The following ANKRD13C variants were observed in gnomAD, a reference collection of about 807,000 sequenced individuals.
The protein encoded by ANKRD13C is ankyrin repeat domain-containing protein 13C.
Under a neutral mutation model 65.5 loss-of-function variants are expected in ANKRD13C, and 16 were observed. That is an observed-to-expected ratio of 0.24 (90% CI 0.17 to 0.37). ANKRD13C has a LOEUF of 0.37. ANKRD13C is among the 10% of genes least tolerant of loss of function. The pLI is 1.00. For synonymous variants in ANKRD13C, 235 were observed against 238.7 expected, an observed-to-expected ratio of 0.98 and a Z score of 0.14; for missense variants, 503 against 655.9, an observed-to-expected ratio of 0.77 and a Z score of 2.55.
chr1:70,259,639 T>TACAA lies in ANKRD13C; in HGVS notation c.*3074_*3077dup, dbSNP rs928314220. On this transcript the variant is annotated 3_prime_UTR_variant, in exon 13 of 13. Transcript: ENST00000370944. ...GAGTAGTTTTGGCTAATTTATAGTA[T>TACAA]ACAAACAATCATGGGCTTTTACCAA... Among the ~76,000 whole-genome samples, 1 of 152,208 alleles carries TACAA rather than the reference T, an allele frequency of 6.6e-6. No homozygotes were observed. Among genetic ancestry groups the TACAA allele is most frequent in the South Asian group, 2.1e-4 (1 of 4,834 alleles).
In ANKRD13C at chr1:70,353,969, C is replaced by T; in HGVS notation, c.430+10G>A. ...AAGGAGAGAGGTGGAGAGGGGCTAGCACTCCTCACCGTGATTATCTTTCTG... is the reference window on the plus strand; with the variant it reads ...AAGGAGAGAGGTGGAGAGGGGCTAGTACTCCTCACCGTGATTATCTTTCTG... On this transcript the variant is annotated intron_variant, in intron 1 of 12. Coordinates refer to ENST00000370944, the MANE Select transcript of ANKRD13C (RefSeq NM_030816.5). 6.6e-7 allele frequency: 1 copy of T among 1,519,634 alleles called. No homozygotes were observed. Among genetic ancestry groups the T allele is most frequent in the African/African-American group, 1.4e-5 (1 of 72,276 alleles). 94.1% of individuals were successfully genotyped at this position (1,519,634 alleles called of 1,614,324 possible). A position where few individuals can be genotyped will look rare whatever the true frequency, so the allele number is the denominator to read the frequency against.
At chr1:70,309,732 AAAT>A (rs779462109) in intron 5 of ANKRD13C, among the ~76,000 whole-genome samples, 12 of 107,088 alleles carry the variant, frequency 1.1e-4, no homozygotes, top group African/African-American at 3.4e-4. Flanking sequence ...AAAAAAAAAA[AAAT>A]AATAATAATA....
At chr1:70,295,087 C>A (rs2101286767) in intron 8 of ANKRD13C, among the ~76,000 whole-genome samples, 2 of 151,920 alleles carry the variant, frequency 1.3e-5, no homozygotes, top group Admixed American at 1.3e-4. Flanking sequence ...CTTATTTCTC[C>A]ATTGAGAATA....
At chr1:70,287,942 T>C (rs956813538) in intron 9 of ANKRD13C, among the ~76,000 whole-genome samples, 3 of 152,108 alleles carry the variant, frequency 2.0e-5, no homozygotes, top group Non-Finnish European at 4.4e-5. Flanking sequence ...TTATTTGAGT[T>C]GAGGCGGTCA....
At position 70,354,291 on chromosome 1, in the gene ANKRD13C, T is replaced by C. The variant is rs781612046; in HGVS notation, c.118A>G (p.Arg40Gly). Reference sequence around the variant, plus strand: ...TTGCCGCCCTTGCCAATCCTGCTTCTGGTAAAGGTACCGCCGAGGGCAGCC... The same window carrying C: ...TTGCCGCCCTTGCCAATCCTGCTTCCGGTAAAGGTACCGCCGAGGGCAGCC... ...AAAALGGTFTRSRIGKGGKAC... is the reference protein window; with the variant it reads ...AAAALGGTFTGSRIGKGGKAC... Residue 40 changes from arginine to glycine, a missense_variant, in exon 1 of 13, where the codon AGA (arginine) becomes GGA (glycine). This residue lies in a region of ANKRD13C where 203 missense variants were observed against 177.6 expected (regional missense o/e 1.14). Coordinates refer to ENST00000370944, the MANE Select transcript of ANKRD13C (RefSeq NM_030816.5). 13 of 1,613,858 alleles carry C rather than the reference T, an allele frequency of 8.1e-6. No homozygotes were observed. The highest frequency in any genetic ancestry group is 3.3e-5 in the Admixed American group (2 of 60,008).
At chr1:70,283,885 T>C (rs762354193) in intron 9 of ANKRD13C, among the ~76,000 whole-genome samples, 9 of 152,150 alleles carry the variant, frequency 5.9e-5, no homozygotes, top group Non-Finnish European at 1.2e-4. Context: ...GTTGGCACAG[T>C]ATAAGTGCTT....
intron 1 of ANKRD13C, among the ~76,000 whole-genome samples, chr1:70,337,364 G>A (rs1682088538): frequency 6.6e-6 from 1 of 151,686 alleles, no homozygotes; most frequent in South Asian, 2.1e-4. Flanking sequence ...CAGATCACCC[G>A]AGGTCAAGAG....
At chr1:70,322,854 T>C (rs1681368756) in intron 3 of ANKRD13C, among the ~76,000 whole-genome samples, 1 of 152,096 alleles carries the variant, frequency 6.6e-6, no homozygotes, top group African/African-American at 2.4e-5. Flanking sequence ...TAGCCGGGCA[T>C]GGTGATGTAT....
At chr1:70,287,998 C>T (rs1395661829) in intron 9 of ANKRD13C, among the ~76,000 whole-genome samples, 1 of 151,934 alleles carries the variant, frequency 6.6e-6, no homozygotes, top group East Asian at 1.9e-4. Context: ...CTGGTCTGAC[C>T]AAAACAGTGA....
At chr1:70,344,889 A>C (rs1682462337) in intron 1 of ANKRD13C, among the ~76,000 whole-genome samples, 1 of 152,036 alleles carries the variant, frequency 6.6e-6, no homozygotes, top group Non-Finnish European at 1.5e-5. Context: ...ACTACGTGTT[A>C]ATATAAAATT....
intron 1 of ANKRD13C, among the ~76,000 whole-genome samples, chr1:70,341,765 AATCT>A (rs1417207734): frequency 6.6e-6 from 1 of 151,748 alleles, no homozygotes; most frequent in African/African-American, 2.4e-5. Context: ...TTTGTTTTTT[AATCT>A]ATCTGGAAGG....
Position 70,354,437 on chromosome 1 carries a change from C to T in ANKRD13C, c.-29G>A. 6.3e-7 allele frequency: 1 copy of T among 1,594,180 alleles called. No individual in the cohort carries two copies. Among genetic ancestry groups the T allele is most frequent in the Non-Finnish European group, 8.5e-7 (1 of 1,170,060 alleles). On this transcript the variant is annotated 5_prime_UTR_variant, in exon 1 of 13. Coordinates refer to ENST00000370944, the MANE Select transcript of ANKRD13C (RefSeq NM_030816.5). ...CGCCGCCAGGGGCAAGGGGGGGAAT[C>T]GGGAGGCTCACCGCTGGCGACGGAG...
intron 1 of ANKRD13C, among the ~76,000 whole-genome samples, chr1:70,350,869 A>G (rs1361216242): frequency 6.6e-6 from 1 of 152,178 alleles, no homozygotes; most frequent in African/African-American, 2.4e-5. Context: ...GTGTAAAACT[A>G]TCTGCTTTGG....
intron 2 of ANKRD13C, among the ~76,000 whole-genome samples, chr1:70,326,437 G>T (rs751893008): frequency 1.3e-5 from 2 of 152,042 alleles, no homozygotes; most frequent in Non-Finnish European, 2.9e-5. Context: ...AATAATGCAA[G>T]ATAATGATAA....
chr1:70,323,551 G>A (rs995067502), intron 3 of ANKRD13C, among the ~76,000 whole-genome samples: 9 of 151,870 alleles, frequency 5.9e-5, no homozygotes, highest in African/African-American at 2.2e-4. Flanking sequence ...GCTGAGGCAG[G>A]AGAACCCCTT....
chr1:70,312,579 T>G (rs12141753), intron 5 of ANKRD13C, among the ~76,000 whole-genome samples: 10,753 of 151,824 alleles, frequency 0.071, 484 homozygotes, highest in South Asian at 0.2. Context: ...ATTCCTATTC[T>G]ACTGACTTTG....
intron 5 of ANKRD13C, among the ~76,000 whole-genome samples, chr1:70,308,379 G>T (rs1386199101): frequency 6.6e-6 from 1 of 151,626 alleles, no homozygotes; most frequent in East Asian, 1.9e-4. Context: ...TAAAAATCAG[G>T]AAAGGAGGAA....
intron 2 of ANKRD13C, among the ~76,000 whole-genome samples, chr1:70,326,231 C>CA (rs59618915): frequency 0.084 from 2,610 of 31,106 alleles, 685 homozygotes; most frequent in Non-Finnish European, 0.1. Context: ...AACTCTGTCT[C>CA]AAAAAAAAAA....
intron 2 of ANKRD13C, among the ~76,000 whole-genome samples, chr1:70,326,988 A>C (rs1191198920): frequency 7.3e-6 from 1 of 136,222 alleles, no homozygotes; most frequent in African/African-American, 2.9e-5. Context: ...TGATAAAATT[A>C]GAAAATTTAA....
Sources: gnomAD v4.1 joint callset for allele counts (sites outside exome capture counted in the v4.1 genomes callset) on GRCh38, gnomAD v4.1.1 for gene constraint, gnomAD v4.1.1 regional missense constraint, MANE v1.5 for transcripts, NCBI Gene and HGNC (gene_info 2026-07-23, HGNC 2026-07-21) for gene names.